Variants in DEFB104B observed in about 807,000 individuals in gnomAD.
DEFB104B encodes the protein beta-defensin 104.
chr8:7,471,621 G>GGTA (rs553065324), intron 1 of DEFB104B, among the ~76,000 whole-genome samples: 112 of 34,132 alleles, frequency 3.3e-3, no homozygotes, highest in African/African-American at 0.015. Context: ...CAAGGCTGAT[G>GGTA]GTAGGGAGGA....
chr8:7,473,166 T>A (rs535413292), intron 1 of DEFB104B, among the ~76,000 whole-genome samples: 638 of 108,220 alleles, frequency 5.9e-3, no homozygotes, highest in African/African-American at 0.018. Flanking sequence ...TGATTTACAT[T>A]GGTTTGGTCC....
chr8:7,474,650 A>G (rs1377264848), intron 1 of DEFB104B, among the ~76,000 whole-genome samples: 1 of 141,278 alleles, frequency 7.1e-6, no homozygotes, highest in Non-Finnish European at 1.6e-5. Flanking sequence ...TACAAAATCA[A>G]CAATGAATAA....
intron 1 of DEFB104B, among the ~76,000 whole-genome samples, chr8:7,472,053 G>A (rs1327786326): frequency 4.6e-5 from 7 of 150,734 alleles, no homozygotes; most frequent in Non-Finnish European, 1.0e-4. Context: ...CCCCACAGCG[G>A]GTGATGAGGA....
rs1354460877 is a variant in DEFB104B at position 7,471,191 on chromosome 8, G to T, written c.59-675C>A. 5.5e-3 allele frequency among the ~76,000 whole-genome samples: 751 copies of T among 136,180 alleles called. 1 individual carries two copies. The highest frequency in any genetic ancestry group is 0.019 in the African/African-American group (684 of 35,968). 89.3% of individuals were successfully genotyped at this position (136,180 alleles called of 152,430 possible). ...AGGTATATATATATACACATATATA[G>T]AGAGAGATACATACAAACATAGACA... On this transcript the variant is annotated intron_variant, in intron 1 of 1. Coordinates refer to ENST00000316169, the MANE Select transcript of DEFB104B (RefSeq NM_001040702.1).
chr8:7,471,894 G>A (rs1385558451), intron 1 of DEFB104B, among the ~76,000 whole-genome samples: 1 of 144,556 alleles, frequency 6.9e-6, no homozygotes, highest in Non-Finnish European at 1.5e-5. Context: ...AGGGTTTTAT[G>A]TCTTTCATTT....
intron 1 of DEFB104B, among the ~76,000 whole-genome samples, chr8:7,473,957 A>G (rs1463329779): frequency 1.4e-5 from 2 of 139,424 alleles, no homozygotes; most frequent in Non-Finnish European, 3.2e-5. Context: ...GTTCTTTGAT[A>G]AATTGCTATC....
chr8:7,472,835 TG>T lies in DEFB104B; in HGVS notation c.58+2175del, dbSNP rs1241160947. 2.8e-3 allele frequency among the ~76,000 whole-genome samples: 366 copies of T among 130,638 alleles called. 24 individuals carry two copies. The highest frequency in any genetic ancestry group is 0.011 in the African/African-American group (337 of 30,364). 85.7% of individuals were successfully genotyped at this position (130,638 alleles called of 152,430 possible). On this transcript the variant is annotated intron_variant, in intron 1 of 1. Transcript: ENST00000316169. ...CAATCAATACGTGTAAGATTTGCTT[TG>T]TTTTTTTTGTTTGTTTGTTTGTTTG...
intron 1 of DEFB104B, among the ~76,000 whole-genome samples, chr8:7,474,164 C>A (rs1162496084): frequency 7.0e-6 from 1 of 142,112 alleles, no homozygotes; most frequent in African/African-American, 2.6e-5. Context: ...TGTCAAAGCC[C>A]CATAAAATTG....
At chr8:7,471,162 A>G (rs1164952529) in intron 1 of DEFB104B, among the ~76,000 whole-genome samples, 59 of 147,376 alleles carry the variant, frequency 4.0e-4, no homozygotes, top group East Asian at 6.1e-4. Context: ...CTATGTATCT[A>G]TATAGGTATA....
chr8:7,474,045 A>G (rs1276368308), intron 1 of DEFB104B, among the ~76,000 whole-genome samples: 2 of 140,434 alleles, frequency 1.4e-5, no homozygotes, highest in Non-Finnish European at 3.2e-5. Flanking sequence ...GGAAGAAAGA[A>G]AAAGGAAGAG....
intron 1 of DEFB104B, among the ~76,000 whole-genome samples, chr8:7,472,059 G>A (rs567896527): frequency 6.6e-6 from 1 of 150,792 alleles, no homozygotes; most frequent in African/African-American, 2.5e-5. Flanking sequence ...AGCGGGTGAT[G>A]AGGAAAGACT....
At chr8:7,472,601 T>A (rs1280066316) in intron 1 of DEFB104B, among the ~76,000 whole-genome samples, 2 of 129,080 alleles carry the variant, frequency 1.5e-5, no homozygotes, top group Non-Finnish European at 3.2e-5. Flanking sequence ...TACACTAGTT[T>A]CTTTCTTGCA....
At chr8:7,470,926 C>A (rs1214822217) in intron 1 of DEFB104B, among the ~76,000 whole-genome samples, 2 of 124,846 alleles carry the variant, frequency 1.6e-5, no homozygotes, top group African/African-American at 6.1e-5. Context: ...TGTGAGCTTA[C>A]TCTTTGCTAT....
chr8:7,474,679 G>T (rs1200971218), intron 1 of DEFB104B, among the ~76,000 whole-genome samples: 1 of 141,092 alleles, frequency 7.1e-6, no homozygotes, highest in Non-Finnish European at 1.6e-5. Context: ...GCCCTGCAAT[G>T]GAACAAGCAT....
chr8:7,471,280 G>T (rs1355736946), intron 1 of DEFB104B, among the ~76,000 whole-genome samples: 3 of 122,856 alleles, frequency 2.4e-5, no homozygotes, highest in Admixed American at 8.7e-5. Flanking sequence ...CGAACTATGA[G>T]CTCCCTGACA....
At chr8:7,474,489 G>T (rs565825932) in intron 1 of DEFB104B, among the ~76,000 whole-genome samples, 1 of 141,860 alleles carries the variant, frequency 7.0e-6, no homozygotes, top group Non-Finnish European at 1.6e-5. Context: ...AGTAAATTAC[G>T]TTCTTGCCTA....
intron 1 of DEFB104B, among the ~76,000 whole-genome samples, chr8:7,472,219 C>A (rs1810977434): frequency 7.2e-6 from 1 of 139,436 alleles, no homozygotes. Flanking sequence ...ATATCTGTGG[C>A]AGGTCGCTTT....
chr8:7,474,124 G>A (rs938649642), intron 1 of DEFB104B, among the ~76,000 whole-genome samples: 2 of 141,146 alleles, frequency 1.4e-5, no homozygotes, highest in Non-Finnish European at 3.2e-5. Flanking sequence ...GGCACAGCCT[G>A]GAAGGGTAAA....
At chr8:7,472,760 T>C (rs1460322658) in intron 1 of DEFB104B, among the ~76,000 whole-genome samples, 6 of 135,108 alleles carry the variant, frequency 4.4e-5, no homozygotes, top group East Asian at 2.4e-4. Flanking sequence ...CCCAAGGTGG[T>C]TGTGATACAG....
Sources: gnomAD v4.1 joint callset for allele counts (sites outside exome capture counted in the v4.1 genomes callset) on GRCh38, gnomAD v4.1.1 for gene constraint, MANE v1.5 for transcripts, NCBI Gene and HGNC (gene_info 2026-07-23, HGNC 2026-07-21) for gene names.